The following FRY variants were observed in gnomAD, a reference collection of about 807,000 sequenced individuals.
FRY encodes the protein protein furry homolog.
A neutral mutation model predicts 348.4 loss-of-function variants in FRY; 128 were observed. The observed-to-expected ratio is 0.37, with a 90% confidence interval of 0.32 to 0.43. The LOEUF (loss-of-function observed/expected upper bound fraction) is 0.43. Among genes scored for constraint, FRY ranks in the 20% least tolerant of loss-of-function variants. The pLI is 1.00. For missense variants in FRY, 2,736 were observed against 3,695.2 expected, an observed-to-expected ratio of 0.74 and a Z score of 6.73; for synonymous variants, 1,370 against 1,374.7, an observed-to-expected ratio of 1.00 and a Z score of 0.08.
At chr13:32,071,944 C>T (rs779058219) in intron 1 of FRY, among the ~76,000 whole-genome samples, 2 of 152,030 alleles carry the variant, frequency 1.3e-5, no homozygotes, top group East Asian at 1.9e-4. Context: ...AAAGACAGGG[C>T]GATATGGGAA....
intron 53 of FRY, among the ~76,000 whole-genome samples, chr13:32,263,597 A>T (rs560046988): frequency 6.6e-6 from 1 of 152,348 alleles, no homozygotes; most frequent in South Asian, 2.1e-4. Flanking sequence ...TTATGAAATT[A>T]AATTTCATAG....
At chr13:32,287,957 C>A in intron 58 of FRY, 1 of 537,038 alleles carries the variant, frequency 1.9e-6, no homozygotes, top group Non-Finnish European at 3.1e-6. Flanking sequence ...TTTACCGTTA[C>A]TGTTACATCT....
intron 29 of FRY, among the ~76,000 whole-genome samples, chr13:32,197,327 C>A (rs78202063): frequency 6.6e-6 from 1 of 152,138 alleles, no homozygotes; most frequent in East Asian, 1.9e-4. Flanking sequence ...ATGCCTATTT[C>A]TTCAGGGAAT....
intron 15 of FRY, 123 bp from the exon 16 acceptor site, chr13:32,157,150 C>A: frequency 1.2e-6 from 1 of 865,584 alleles, no homozygotes; most frequent in South Asian, 1.4e-5. Context: ...TCAGACAGCC[C>A]TTTTGCTCAA....
Position 32,262,323 on chromosome 13 carries a change from C to T in FRY, c.7627C>T (p.Leu2543Phe). 6.2e-7 allele frequency: 1 copy of T among 1,613,442 alleles called. No individual in the cohort carries two copies. Among genetic ancestry groups the T allele is most frequent in the African/African-American group, 1.3e-5 (1 of 75,020 alleles). ...TTTGCTTTTTAAACAGATCATGACT[C>T]TCTCCCCCTCTGAAGAGACGAATCC... The part of the protein sequence containing the change: ...ILEHSDLIMT[L>F]SPSEETNPME... The change falls in exon 53 of 61, where the codon CTC (leucine) becomes TTC (phenylalanine). Residue 2543 changes from leucine to phenylalanine, a missense_variant. Leu to Phe is a conservative substitution (Grantham distance 22). Coordinates refer to ENST00000542859, the MANE Select transcript of FRY (RefSeq NM_023037.3).
chr13:32,275,100 C>G, intron 56 of FRY, 109 bp downstream of exon 56: 1 of 1,009,766 alleles, frequency 9.9e-7, no homozygotes, highest in Non-Finnish European at 1.5e-6. Flanking sequence ...ACCTTCTGGC[C>G]GGGTGCGGTG....
At chr13:32,261,522 A>G (rs778091036) in intron 51 of FRY, 94 bp from the exon 52 acceptor site, 1 of 1,063,444 alleles carries the variant, frequency 9.4e-7, no homozygotes, top group South Asian at 1.2e-5. Flanking sequence ...TAATAATGAC[A>G]ATATTTGTTC....
chr13:32,053,374 CT>C (rs1278677334), intron 1 of FRY, among the ~76,000 whole-genome samples: 1 of 152,122 alleles, frequency 6.6e-6, no homozygotes, highest in African/African-American at 2.4e-5. Context: ...ATCATTTGGC[CT>C]GCTAGATTTA....
At chr13:32,266,657 G>T (rs1329657425) in intron 54 of FRY, among the ~76,000 whole-genome samples, 1 of 152,134 alleles carries the variant, frequency 6.6e-6, no homozygotes, top group Non-Finnish European at 1.5e-5. Flanking sequence ...AATTCTAGAG[G>T]TGCAAATTCT....
chr13:32,070,111 C>A (rs1874538464), intron 1 of FRY, among the ~76,000 whole-genome samples: 2 of 152,104 alleles, frequency 1.3e-5, no homozygotes, highest in South Asian at 4.1e-4. Context: ...TCCAGTCTAT[C>A]ATTGATGGAC....
chr13:32,144,781 G>A (rs1448903570), intron 11 of FRY, among the ~76,000 whole-genome samples: 2 of 152,078 alleles, frequency 1.3e-5, no homozygotes, highest in East Asian at 3.9e-4. Context: ...TAGATCTTAG[G>A]GGTAAATAAT....
chr13:32,278,080 G>C (rs1188113870), intron 57 of FRY, among the ~76,000 whole-genome samples: 1 of 152,174 alleles, frequency 6.6e-6, no homozygotes, highest in South Asian at 2.1e-4. Flanking sequence ...GTCCAAGTCA[G>C]GTCATGTTGA....
intron 1 of FRY, among the ~76,000 whole-genome samples, chr13:32,058,787 A>G (rs1486719947): frequency 6.6e-6 from 1 of 152,246 alleles, no homozygotes; most frequent in Non-Finnish European, 1.5e-5. Context: ...GGTAAAAAAA[A>G]ATATGTATAC....
chr13:32,214,839 A>G (rs1182586038), intron 35 of FRY, among the ~76,000 whole-genome samples: 4 of 152,216 alleles, frequency 2.6e-5, no homozygotes, highest in Non-Finnish European at 5.9e-5. Flanking sequence ...GGAGTGAGGC[A>G]TCTCTTCCAC....
At chr13:32,291,686 G>A (rs912880382) in intron 59 of FRY, among the ~76,000 whole-genome samples, 17 of 152,138 alleles carry the variant, frequency 1.1e-4, no homozygotes, top group South Asian at 8.3e-4. Flanking sequence ...GTGAGCCACC[G>A]TGCCCCGCCA....
At chr13:32,081,226 C>T (rs144470750) in intron 2 of FRY, among the ~76,000 whole-genome samples, 2,049 of 152,280 alleles carry the variant, frequency 0.013, 19 homozygotes, top group Middle Eastern at 0.041. Context: ...AGGAAATCTT[C>T]CTTATGTGCT....
intron 25 of FRY, 94 bp from the exon 26 acceptor site, chr13:32,184,882 G>C: frequency 4.4e-6 from 5 of 1,147,590 alleles, no homozygotes; most frequent in Non-Finnish European, 6.6e-6. Flanking sequence ...ACTTTAGTGT[G>C]TGAGTTGTGA....
At chr13:32,148,067 G>A (rs1169385205) in intron 13 of FRY, 120 bp downstream of exon 13, 1 of 716,874 alleles carries the variant, frequency 1.4e-6, no homozygotes, top group African/African-American at 1.7e-5. Flanking sequence ...TTAGACTTCT[G>A]TGAAAGATTT....
intron 1 of FRY, among the ~76,000 whole-genome samples, chr13:32,068,123 G>T (rs560395381): frequency 6.6e-6 from 1 of 152,140 alleles, no homozygotes; most frequent in Non-Finnish European, 1.5e-5. Context: ...AATTCAAATT[G>T]TAAGTCAGCA....
Sources: allele counts gnomAD v4.1 joint callset (sites outside exome capture counted in the v4.1 genomes callset), GRCh38; gene constraint gnomAD v4.1.1; transcripts MANE v1.5; gene names NCBI Gene and HGNC (gene_info 2026-07-23, HGNC 2026-07-21).